Variants in PDE4B observed in about 807,000 individuals in gnomAD.
PDE4B encodes 3',5'-cyclic-AMP phosphodiesterase 4B.
PDE4B carries 20 observed loss-of-function variants against 82.2 expected under a neutral mutation model. That is an observed-to-expected ratio of 0.24 (90% CI 0.17 to 0.35). The LOEUF (loss-of-function observed/expected upper bound fraction) is 0.35. Among genes scored for constraint, PDE4B ranks in the 10% least tolerant of loss-of-function variants. The pLI is 1.00. For missense variants in PDE4B, 655 were observed against 907.2 expected (o/e 0.72, Z 3.57); for synonymous variants, 320 against 318.9 (o/e 1.00, Z -0.04).
chr1:65,815,295 A>C (rs1422576507), intron 1 of PDE4B, among the ~76,000 whole-genome samples: 1 of 149,784 alleles, frequency 6.7e-6, no homozygotes, highest in Non-Finnish European at 1.5e-5. Context: ...CTTTTGAAGA[A>C]ATTTAATTTA....
chr1:66,156,170 T>A (rs1646497385), intron 3 of PDE4B, among the ~76,000 whole-genome samples: 1 of 152,210 alleles, frequency 6.6e-6, no homozygotes, highest in South Asian at 2.1e-4. Context: ...ATTTGTGGTT[T>A]TATCTGGCTT....
At chr1:66,250,686 G>A (rs1294131567) in intron 4 of PDE4B, among the ~76,000 whole-genome samples, 1 of 152,128 alleles carries the variant, frequency 6.6e-6, no homozygotes. Context: ...CATCCCAAAC[G>A]TAATGCCTTC....
intron 3 of PDE4B, among the ~76,000 whole-genome samples, chr1:66,131,957 G>A (rs924573940): frequency 2.0e-5 from 3 of 151,974 alleles, no homozygotes; most frequent in Non-Finnish European, 4.4e-5. Flanking sequence ...ACCCTATGAG[G>A]GAATAGGAAG....
At chr1:66,326,956 G>A (rs938377765) in intron 7 of PDE4B, among the ~76,000 whole-genome samples, 1 of 152,164 alleles carries the variant, frequency 6.6e-6, no homozygotes, top group Non-Finnish European at 1.5e-5. Context: ...GATCAGTGTA[G>A]TCATAAGATT....
chr1:66,154,264 A>G (rs770164261), intron 3 of PDE4B, among the ~76,000 whole-genome samples: 28 of 152,136 alleles, frequency 1.8e-4, no homozygotes, highest in Non-Finnish European at 2.9e-5. Context: ...ACTGTTTTTC[A>G]TCTCTGTAAT....
intron 7 of PDE4B, among the ~76,000 whole-genome samples, chr1:66,281,990 G>A (rs530333683): frequency 1.3e-5 from 2 of 152,318 alleles, no homozygotes; most frequent in South Asian, 4.1e-4. Flanking sequence ...TCAGAAGCCT[G>A]TGTACTTGGC....
At chr1:66,087,980 G>A (rs576523092) in intron 3 of PDE4B, among the ~76,000 whole-genome samples, 126 of 151,666 alleles carry the variant, frequency 8.3e-4, no homozygotes, top group Non-Finnish European at 9.6e-4. Context: ...TAACTAACCT[G>A]CACATTGTGC....
At chr1:65,898,854 A>G (rs1396168464) in intron 1 of PDE4B, among the ~76,000 whole-genome samples, 4 of 152,074 alleles carry the variant, frequency 2.6e-5, no homozygotes, top group Admixed American at 2.6e-4. Flanking sequence ...ACCTAAAACT[A>G]TAAAAATTCT....
intron 1 of PDE4B, among the ~76,000 whole-genome samples, chr1:65,806,506 T>C (rs1645756654): frequency 6.6e-6 from 1 of 152,208 alleles, no homozygotes; most frequent in African/African-American, 2.4e-5. Flanking sequence ...AGATGAGTTA[T>C]TCTAAAAACT....
intron 16 of PDE4B, among the ~76,000 whole-genome samples, chr1:66,370,855 CA>C (rs934009306): frequency 2.0e-5 from 3 of 151,464 alleles, no homozygotes; most frequent in Non-Finnish European, 4.4e-5. Flanking sequence ...ATTAAGCACA[CA>C]TAAAGAAGTA....
rs151168231 is a variant in PDE4B at position 66,034,630 on chromosome 1, G to C, written c.281+115795G>C. Among the ~76,000 whole-genome samples, 67 of 152,250 alleles carry C rather than the reference G, an allele frequency of 4.4e-4. No individual in the cohort carries two copies. In the East Asian group the frequency reaches 0.013, roughly 28 times the overall value. ...AAAAATTCTGCACAAACTTCAGCCT[G>C]TAAGTGCTTTGAACTCACACACAAC... is the stretch of plus-strand genomic sequence containing the variant. On this transcript the variant is annotated intron_variant, in intron 3 of 16. Transcript: ENST00000341517.
At chr1:66,120,555 C>A (rs939234002) in intron 3 of PDE4B, among the ~76,000 whole-genome samples, 1 of 152,012 alleles carries the variant, frequency 6.6e-6, no homozygotes, top group African/African-American at 2.4e-5. Flanking sequence ...TTGCCTGTAC[C>A]ATTTTTTAAT....
chr1:66,021,643 A>T (rs1206392457), intron 3 of PDE4B, among the ~76,000 whole-genome samples: 1 of 152,036 alleles, frequency 6.6e-6, no homozygotes, highest in Non-Finnish European at 1.5e-5. Context: ...ATTATTTCTG[A>T]GGGCTCTGTT....
chr1:65,834,720 C>T (rs1425013695), intron 1 of PDE4B, among the ~76,000 whole-genome samples: 1 of 152,150 alleles, frequency 6.6e-6, no homozygotes, highest in African/African-American at 2.4e-5. Flanking sequence ...TAAATTGAGG[C>T]AGAATCCAGA....
intron 3 of PDE4B, among the ~76,000 whole-genome samples, chr1:66,199,325 T>A (rs1231081140): frequency 6.6e-6 from 1 of 152,128 alleles, no homozygotes; most frequent in Non-Finnish European, 1.5e-5. Flanking sequence ...AGATGGTATC[T>A]CATTGCAGTT....
intron 3 of PDE4B, among the ~76,000 whole-genome samples, chr1:66,066,396 C>T (rs1340917576): frequency 6.6e-6 from 1 of 151,720 alleles, no homozygotes; most frequent in Non-Finnish European, 1.5e-5. Flanking sequence ...ATGCAAATTT[C>T]CTAAGTGTTC....
chr1:65,811,733 C>A (rs1174339209), intron 1 of PDE4B, among the ~76,000 whole-genome samples: 1 of 152,058 alleles, frequency 6.6e-6, no homozygotes. Context: ...ATGATAGCTA[C>A]TAGTAATACA....
chr1:66,354,247 C>T (rs1014379778), intron 8 of PDE4B: 16 of 197,404 alleles, frequency 8.1e-5, no homozygotes, highest in Middle Eastern at 5.4e-3. Context: ...TCAATTAGAG[C>T]GGCTGGATTT....
intron 3 of PDE4B, chr1:66,046,097 G>A (rs1183598371): frequency 6.6e-6 from 1 of 151,826 alleles, no homozygotes; most frequent in Non-Finnish European, 1.5e-5. Flanking sequence ...CAGTTAGGAA[G>A]TGATTGTTGT....
Sources: gnomAD v4.1 joint callset for allele counts (sites outside exome capture counted in the v4.1 genomes callset) on GRCh38, gnomAD v4.1.1 for gene constraint, MANE v1.5 for transcripts, NCBI Gene and HGNC (gene_info 2026-07-23, HGNC 2026-07-21) for gene names.